HEPACAM2: variants seen among roughly 807,000 people sequenced by gnomAD.
HEPACAM2 encodes mitotic kinetics regulator.
In HEPACAM2, 49 loss-of-function variants were observed where a neutral mutation model predicts 49.6. That is an observed-to-expected ratio of 0.99 (90% CI 0.78 to 1.25). The LOEUF is 1.25. HEPACAM2 is among the 50% of genes most tolerant of loss of function. The pLI, the probability that HEPACAM2 is intolerant of heterozygous loss-of-function variation, is 0.00. For synonymous variants in HEPACAM2, 197 were observed against 202.9 expected (o/e 0.97, Z 0.25); for missense variants, 525 against 557.2 (o/e 0.94, Z 0.58).
intron 8 of HEPACAM2, among the ~76,000 whole-genome samples, chr7:93,194,696 C>T (rs1246647810): frequency 1.3e-5 from 2 of 152,002 alleles, no homozygotes; most frequent in Non-Finnish European, 2.9e-5. Flanking sequence ...CAAGAGAAGT[C>T]ACGATTCCCT....
chr7:93,210,687 G>A (rs1009827368), intron 3 of HEPACAM2, among the ~76,000 whole-genome samples: 7 of 151,872 alleles, frequency 4.6e-5, no homozygotes, highest in Non-Finnish European at 8.8e-5. Flanking sequence ...TATGGGTATG[G>A]ATGGTTTGCT....
chr7:93,215,147 A>G (rs1283938355), intron 3 of HEPACAM2, among the ~76,000 whole-genome samples: 2 of 152,198 alleles, frequency 1.3e-5, no homozygotes, highest in Admixed American at 1.3e-4. Context: ...GAGGTCGCAC[A>G]ATAGACTGAA....
chr7:93,230,510 A>G (rs972335726), upstream of HEPACAM2, among the ~76,000 whole-genome samples: 27 of 152,356 alleles, frequency 1.8e-4, no homozygotes, highest in African/African-American at 6.0e-4. Flanking sequence ...ATATGCTTTT[A>G]AACCCAGTTG....
chr7:93,197,299 T>C (rs1039628746), intron 6 of HEPACAM2, 21 bp from the exon 7 acceptor site: 1 of 1,609,348 alleles, frequency 6.2e-7, no homozygotes, highest in African/African-American at 1.3e-5. Context: ...AAAATAGGTA[T>C]TTTTGTCAGG....
intron 8 of HEPACAM2, among the ~76,000 whole-genome samples, chr7:93,193,757 C>T (rs1269812661): frequency 6.6e-6 from 1 of 152,108 alleles, no homozygotes; most frequent in African/African-American, 2.4e-5. Flanking sequence ...TTTTTAAAAA[C>T]TCAGAAAGTT....
chr7:93,222,270 G>A (rs1402988833), intron 1 of HEPACAM2, among the ~76,000 whole-genome samples: 1 of 152,080 alleles, frequency 6.6e-6, no homozygotes, highest in Non-Finnish European at 1.5e-5. Context: ...CATTGAAGTT[G>A]AAGATAGGCA....
At chr7:93,190,235 T>G (rs1034550510) in intron 9 of HEPACAM2, among the ~76,000 whole-genome samples, 21 of 152,134 alleles carry the variant, frequency 1.4e-4, no homozygotes, top group Admixed American at 7.9e-4. Flanking sequence ...ATTAGTAACA[T>G]AAATCTGAAT....
At position 93,215,453 on chromosome 7, in the gene HEPACAM2, C is replaced by T. The variant is rs953552013; in HGVS notation, c.663G>A (p.Val221=). The change falls in exon 3 of 10, where the codon GTG becomes GTA. Residue 221 remains valine (V), a synonymous_variant. Transcript: ENST00000394468. ...KEDIGNYSCL[V]RNPVSEMESD... ...TTTCCATTTCACTGACAGGGTTCCT[C>T]ACCAGGCAGCTGTAATTCCCAATGT... 1 of 1,613,838 alleles carries T rather than the reference C, an allele frequency of 6.2e-7. No homozygotes were observed. The highest frequency in any genetic ancestry group is 8.5e-7 in the Non-Finnish European group (1 of 1,179,832).
chr7:93,202,854 A>G (rs1793930846), intron 4 of HEPACAM2, among the ~76,000 whole-genome samples: 1 of 152,146 alleles, frequency 6.6e-6, no homozygotes, highest in African/African-American at 2.4e-5. Flanking sequence ...GGCTTAATAT[A>G]CAATGACTGG....
At position 93,188,716 on chromosome 7, in the gene HEPACAM2, A is replaced by C; in HGVS notation, c.*551T>G. The stretch of plus-strand genomic sequence containing the variant: ...ATACTACTGGTGATTGAAAAAAAAG[A>C]GAAGGCATAGTTTTGTTTTTGTGAC... On this transcript the variant is annotated 3_prime_UTR_variant, in exon 10 of 10. Coordinates refer to ENST00000394468, the MANE Select transcript of HEPACAM2 (RefSeq NM_001039372.4). 1 of 288,260 alleles carries C rather than the reference A, an allele frequency of 3.5e-6. No individual in the cohort carries two copies. Among genetic ancestry groups the C allele is most frequent in the Non-Finnish European group, 6.3e-6 (1 of 157,650 alleles). The allele number at this position is 288,260 out of a possible 1,614,324, so 17.9% of individuals were successfully genotyped here.
Position 93,208,693 on chromosome 7 carries a change from T to C in HEPACAM2, c.899A>G (p.Glu300Gly). The C allele has an allele frequency of 6.2e-7, 1 of 1,613,258 alleles. No homozygotes were observed. Among genetic ancestry groups the C allele is most frequent in the Non-Finnish European group, 8.5e-7 (1 of 1,179,474 alleles). ...CTGGGCTACTTTCTCAGATGCAACT[T>C]CTAAGCGAGGCCCATGCTTAATGAT... is the stretch of plus-strand genomic sequence containing the variant. ...TYIIKHGPRL[E>G]VASEKVAQKT... Residue 300 changes from glutamate (E) to glycine (G), a missense_variant, in exon 4 of 10, where the codon GAA (glutamate) becomes GGA (glycine). By Grantham distance (98) the Glu-to-Gly change is moderately conservative (BLOSUM62 -2). Coordinates refer to ENST00000394468, the MANE Select transcript of HEPACAM2 (RefSeq NM_001039372.4).
intron 4 of HEPACAM2, among the ~76,000 whole-genome samples, chr7:93,199,541 G>C (rs1793826865): frequency 6.6e-6 from 1 of 152,000 alleles, no homozygotes; most frequent in Non-Finnish European, 1.5e-5. Flanking sequence ...TTGACTCTCA[G>C]GGTTTTGATT....
At chr7:93,190,239 T>C (rs959149076) in intron 9 of HEPACAM2, among the ~76,000 whole-genome samples, 5 of 152,034 alleles carry the variant, frequency 3.3e-5, no homozygotes, top group Admixed American at 2.0e-4. Context: ...GTAACATAAA[T>C]CTGAATTCAA....
At chr7:93,194,278 GA>G (rs1457603887) in intron 8 of HEPACAM2, among the ~76,000 whole-genome samples, 4 of 151,936 alleles carry the variant, frequency 2.6e-5, no homozygotes, top group Admixed American at 2.0e-4. Flanking sequence ...GAATTCCTAG[GA>G]ATAAATGTTT....
intron 2 of HEPACAM2, among the ~76,000 whole-genome samples, chr7:93,218,835 C>T (rs992738129): frequency 6.6e-5 from 10 of 152,086 alleles, no homozygotes; most frequent in African/African-American, 2.4e-4. Flanking sequence ...CTTGATAGTT[C>T]CCAGGCAAAC....
chr7:93,225,361 T>G (rs1794520323), intron 1 of HEPACAM2, among the ~76,000 whole-genome samples: 1 of 152,048 alleles, frequency 6.6e-6, no homozygotes, highest in African/African-American at 2.4e-5. Flanking sequence ...TCTGGGAAAC[T>G]CAAAGACTTA....
At position 93,208,590 on chromosome 7, in the gene HEPACAM2, G is replaced by T. The variant is rs1794089855; in HGVS notation, c.1002C>A (p.Ile334=). ...RQDETHFTVI[I]TSVGLEKLAQ... ...GTATGTCACACATACCTACGGAAGT[G>T]ATGATAACTGTGAAATGAGTTTCAT... is the stretch of plus-strand genomic sequence containing the variant. Residue 334 remains isoleucine, a synonymous_variant, in exon 4 of 10, where the codon ATC becomes ATA. Transcript: ENST00000394468. 6.2e-7 allele frequency: 1 copy of T among 1,612,480 alleles called. No homozygotes were observed. The highest frequency in any genetic ancestry group is 1.7e-5 in the Admixed American group (1 of 59,934).
upstream of HEPACAM2, chr7:93,226,572 A>G (rs951091951): frequency 5.7e-6 from 4 of 703,118 alleles, no homozygotes; most frequent in Admixed American, 4.4e-5. Flanking sequence ...ATACAGAATG[A>G]ATGTGTATAC....
chr7:93,196,856 T>A (rs1048050749), intron 7 of HEPACAM2, among the ~76,000 whole-genome samples: 22 of 152,180 alleles, frequency 1.4e-4, no homozygotes, highest in Non-Finnish European at 2.8e-4. Flanking sequence ...GCTGCCAGCA[T>A]GAAACCTACC....
Sources: allele counts gnomAD v4.1 joint callset (sites outside exome capture counted in the v4.1 genomes callset), GRCh38; gene constraint gnomAD v4.1.1; transcripts MANE v1.5; gene names NCBI Gene and HGNC (gene_info 2026-07-23, HGNC 2026-07-21).